The following NREP variants were observed in gnomAD, a reference collection of about 807,000 sequenced individuals.
NREP encodes the protein neuronal regeneration related protein.
In NREP, 5 loss-of-function variants were observed where a neutral mutation model predicts 8.6. The ratio of observed to expected loss-of-function variants is 0.58; its 90% CI spans 0.30 to 1.22. The LOEUF is 1.22. NREP is among the 50% of genes most tolerant of loss of function. NREP has a pLI of 0.07. For missense variants in NREP, 86 were observed against 82.5 expected (o/e 1.04, Z -0.17); for synonymous variants, 27 against 28.0 (o/e 0.96, Z 0.11).
chr5:111,872,995 T>C (rs751530532), intron 2 of NREP, among the ~76,000 whole-genome samples: 24 of 152,298 alleles, frequency 1.6e-4, no homozygotes, highest in Non-Finnish European at 2.8e-4. Flanking sequence ...GGCATTCCCA[T>C]TGTTATGTAG....
At chr5:111,766,286 G>T (rs1751081482) in intron 2 of NREP, among the ~76,000 whole-genome samples, 1 of 152,164 alleles carries the variant, frequency 6.6e-6, no homozygotes, top group South Asian at 2.1e-4. Context: ...GAAAACCTAA[G>T]AGGATTCTGA....
intron 2 of NREP, among the ~76,000 whole-genome samples, chr5:111,769,470 A>C (rs904707402): frequency 6.6e-6 from 1 of 152,258 alleles, no homozygotes; most frequent in African/African-American, 2.4e-5. Context: ...AGCGGTATTT[A>C]GGCAAGGCCT....
At chr5:111,854,560 G>C (rs769109511) in intron 2 of NREP, among the ~76,000 whole-genome samples, 14 of 152,132 alleles carry the variant, frequency 9.2e-5, no homozygotes, top group Non-Finnish European at 2.1e-4. Flanking sequence ...AAAATCTCTA[G>C]GGTGCCTTCC....
intron 2 of NREP, among the ~76,000 whole-genome samples, chr5:111,951,575 T>C (rs1002128630): frequency 6.6e-6 from 1 of 152,070 alleles, no homozygotes; most frequent in African/African-American, 2.4e-5. Context: ...GCAGAAAAAG[T>C]TTGTCAACTT....
intron 2 of NREP, among the ~76,000 whole-genome samples, chr5:111,879,415 A>C (rs1350054270): frequency 6.6e-6 from 1 of 152,230 alleles, no homozygotes; most frequent in Non-Finnish European, 1.5e-5. Context: ...GTTTAACAAA[A>C]TATATAAGCA....
chr5:111,816,170 A>C (rs926410732), intron 2 of NREP, among the ~76,000 whole-genome samples: 2 of 152,194 alleles, frequency 1.3e-5, no homozygotes, highest in African/African-American at 4.8e-5. Context: ...TTTCCAAAAA[A>C]AAGTTTTTGA....
intron 2 of NREP, among the ~76,000 whole-genome samples, chr5:111,973,702 T>C (rs1216951604): frequency 2.0e-5 from 3 of 152,236 alleles, no homozygotes; most frequent in Non-Finnish European, 4.4e-5. Flanking sequence ...TTCTGACTTA[T>C]GGTCTGTTAT....
intron 2 of NREP, among the ~76,000 whole-genome samples, chr5:111,787,366 A>G (rs1437568823): frequency 6.6e-6 from 1 of 152,252 alleles, no homozygotes; most frequent in African/African-American, 2.4e-5. Context: ...TATTCCTAAC[A>G]ATGAGAAAGT....
At chr5:111,841,020 T>C (rs1753017926) in intron 2 of NREP, among the ~76,000 whole-genome samples, 1 of 121,528 alleles carries the variant, frequency 8.2e-6, no homozygotes, top group South Asian at 2.5e-4. Context: ...TTGTTTCTTC[T>C]GAAGGTATAG....
chr5:111,959,561 A>AAT (rs140201938), intron 2 of NREP, among the ~76,000 whole-genome samples: 6,078 of 152,124 alleles, frequency 0.04, 403 homozygotes, highest in African/African-American at 0.14. Flanking sequence ...TAGTATCCAG[A>AAT]ATATATATTT....
intron 2 of NREP, among the ~76,000 whole-genome samples, chr5:111,971,255 C>T (rs1756809989): frequency 6.6e-6 from 1 of 152,056 alleles, no homozygotes; most frequent in Non-Finnish European, 1.5e-5. Flanking sequence ...AATATGTCTC[C>T]CCATCCATAT....
At chr5:111,948,595 G>A (rs571630107) in intron 2 of NREP, among the ~76,000 whole-genome samples, 5 of 152,138 alleles carry the variant, frequency 3.3e-5, no homozygotes, top group African/African-American at 7.2e-5. Context: ...TGTGCCTAAC[G>A]GCCATGCAAA....
chr5:111,768,614 G>A (rs761984101), intron 2 of NREP, among the ~76,000 whole-genome samples: 18 of 152,144 alleles, frequency 1.2e-4, no homozygotes, highest in Non-Finnish European at 2.5e-4. Context: ...AGAAGGTGTC[G>A]TATTTGAATC....
intron 2 of NREP, among the ~76,000 whole-genome samples, chr5:111,750,989 G>A (rs1750324858): frequency 6.6e-6 from 1 of 152,056 alleles, no homozygotes. Context: ...ATTCATTTCG[G>A]CTTCCTACCT....
chr5:111,958,872 C>A (rs1391272306), intron 2 of NREP, among the ~76,000 whole-genome samples: 1 of 151,750 alleles, frequency 6.6e-6, no homozygotes, highest in African/African-American at 2.4e-5. Flanking sequence ...TACCACATAG[C>A]AAGACATCAA....
intron 2 of NREP, among the ~76,000 whole-genome samples, chr5:111,928,440 C>G (rs1225426859): frequency 2.6e-5 from 4 of 152,040 alleles, no homozygotes; most frequent in African/African-American, 9.7e-5. Context: ...AGAAAAAAAT[C>G]TGACTGTATT....
intron 2 of NREP, among the ~76,000 whole-genome samples, chr5:111,743,664 G>A (rs1749821929): frequency 6.6e-6 from 1 of 152,150 alleles, no homozygotes; most frequent in Non-Finnish European, 1.5e-5. Flanking sequence ...ACAATTGAGA[G>A]TAAAAGCTGT....
chr5:111,919,193 T>G (rs1755153658), intron 2 of NREP, among the ~76,000 whole-genome samples: 2 of 151,990 alleles, frequency 1.3e-5, no homozygotes, highest in Non-Finnish European at 2.9e-5. Context: ...CTCATGCCAG[T>G]TAGAATGGCA....
intron 2 of NREP, among the ~76,000 whole-genome samples, chr5:111,958,669 AAAAC>A (rs201839335): frequency 0.012 from 1,848 of 152,102 alleles, 31 homozygotes; most frequent in African/African-American, 0.041. Flanking sequence ...AATAATTAGA[AAAAC>A]AAAACATGTT....
Sources: gnomAD v4.1 joint callset for allele counts (sites outside exome capture counted in the v4.1 genomes callset) on GRCh38, gnomAD v4.1.1 for gene constraint, MANE v1.5 for transcripts, NCBI Gene and HGNC (gene_info 2026-07-23, HGNC 2026-07-21) for gene names.